GALNT11: variants seen among roughly 807,000 people sequenced by gnomAD.
The protein encoded by GALNT11 is UDP-GalNAc:polypeptide N-acetylgalactosaminyltransferase 11.
A neutral mutation model predicts 72.7 loss-of-function variants in GALNT11; 47 were observed. That is an observed-to-expected ratio of 0.65 (90% CI 0.51 to 0.82). The LOEUF (loss-of-function observed/expected upper bound fraction) is 0.82, where lower values mean the gene tolerates loss of function less well. GALNT11 is among the 40% of genes least tolerant of loss of function. GALNT11 has a pLI of 0.00. For synonymous variants in GALNT11, 270 were observed against 286.6 expected, an observed-to-expected ratio of 0.94 and a Z score of 0.58; for missense variants, 677 against 778.4, an observed-to-expected ratio of 0.87 and a Z score of 1.55.
chr7:152,101,032 C>A, intron 3 of GALNT11, 111 bp downstream of exon 3: 1 of 1,394,940 alleles, frequency 7.2e-7, no homozygotes, highest in Non-Finnish European at 9.7e-7. Flanking sequence ...CGTCTTTATT[C>A]AGCATACTAG....
chr7:152,036,737 C>T (rs2082598796), intron 1 of GALNT11, among the ~76,000 whole-genome samples: 1 of 152,196 alleles, frequency 6.6e-6, no homozygotes. Context: ...TCTCCACATC[C>T]TCACCATCAT....
intron 1 of GALNT11, among the ~76,000 whole-genome samples, chr7:152,052,041 A>AT (rs1041849349): frequency 1.9e-4 from 29 of 151,960 alleles, no homozygotes; most frequent in Non-Finnish European, 7.4e-5. Flanking sequence ...ATAATTCCCC[A>AT]TTTTCCCAGC....
Position 152,117,207 on chromosome 7 carries a change from T to C in GALNT11, c.1284T>C (p.Asn428=). 1.2e-6 allele frequency: 2 copies of C among 1,614,142 alleles called. No individual in the cohort carries two copies. The highest frequency in any genetic ancestry group is 2.2e-5 in the South Asian group (2 of 91,048). Residue 428 remains asparagine (N), a synonymous_variant, in exon 9 of 12, where the codon AAT becomes AAC. Transcript: ENST00000430044. The part of the protein sequence containing the change: ...RPDLKTKSYG[N]ISERVELRKK... ...ACCTGAAGACGAAAAGCTATGGCAA[T>C]ATCAGTGAGCGTGTGGAACTGAGAA... is the stretch of plus-strand genomic sequence containing the variant.
At chr7:152,026,795 C>T (rs552424375) in intron 1 of GALNT11, among the ~76,000 whole-genome samples, 1 of 152,312 alleles carries the variant, frequency 6.6e-6, no homozygotes, top group South Asian at 2.1e-4. Context: ...CTTTCCTGCC[C>T]GAACTAGTCT....
intron 1 of GALNT11, among the ~76,000 whole-genome samples, chr7:152,035,447 G>T (rs1054964292): frequency 2.6e-5 from 4 of 152,150 alleles, no homozygotes; most frequent in African/African-American, 9.7e-5. Context: ...TAGGATAGAT[G>T]GGCGAGTCTC....
At chr7:152,087,296 GA>G (rs1462787831) in intron 1 of GALNT11, among the ~76,000 whole-genome samples, 1 of 152,234 alleles carries the variant, frequency 6.6e-6, no homozygotes, top group Non-Finnish European at 1.5e-5. Context: ...TTATTGAGAA[GA>G]AGATATTCGA....
chr7:152,071,379 C>T (rs1184940598), intron 1 of GALNT11, among the ~76,000 whole-genome samples: 1 of 152,200 alleles, frequency 6.6e-6, no homozygotes, highest in African/African-American at 2.4e-5. Context: ...ATATTTCTCC[C>T]ATTTGCTTTT....
intron 4 of GALNT11, 141 bp from the exon 5 acceptor site, chr7:152,105,104 T>C: frequency 1.1e-6 from 1 of 895,510 alleles, no homozygotes; most frequent in Admixed American, 3.1e-5. Flanking sequence ...ACAATACTCT[T>C]TTAAAGTAAA....
intron 1 of GALNT11, among the ~76,000 whole-genome samples, chr7:152,093,479 A>G (rs1014015003): frequency 6.6e-6 from 1 of 152,030 alleles, no homozygotes; most frequent in African/African-American, 2.4e-5. Context: ...AGGCCAGAGT[A>G]CAGTGGTGCA....
chr7:152,042,309 G>A (rs976974859), intron 1 of GALNT11, among the ~76,000 whole-genome samples: 25 of 152,126 alleles, frequency 1.6e-4, no homozygotes, highest in African/African-American at 6.0e-4. Flanking sequence ...TGTCCCCATA[G>A]GTTGTATAAC....
At chr7:152,046,481 T>C (rs1028265781) in intron 1 of GALNT11, among the ~76,000 whole-genome samples, 3 of 152,166 alleles carry the variant, frequency 2.0e-5, no homozygotes, top group African/African-American at 7.2e-5. Context: ...CTGGGTGCTC[T>C]AGTATTGGGT....
chr7:152,065,932 A>G (rs1376983306), intron 1 of GALNT11, among the ~76,000 whole-genome samples: 1 of 151,902 alleles, frequency 6.6e-6, no homozygotes, highest in Non-Finnish European at 1.5e-5. Context: ...CAGATCTTAA[A>G]CTCTGTGCTG....
At chr7:152,032,037 G>T (rs935436763) in intron 1 of GALNT11, among the ~76,000 whole-genome samples, 2 of 152,200 alleles carry the variant, frequency 1.3e-5, no homozygotes, top group South Asian at 2.1e-4. Flanking sequence ...TTGACCTGCT[G>T]TAGGCAAAGC....
At chr7:152,090,971 C>G (rs1401489208) in intron 1 of GALNT11, among the ~76,000 whole-genome samples, 1 of 152,106 alleles carries the variant, frequency 6.6e-6, no homozygotes, top group East Asian at 1.9e-4. Flanking sequence ...CGGACTTTGC[C>G]TGTCATGAGA....
Position 152,108,262 on chromosome 7 carries a change from G to T in GALNT11, c.937G>T (p.Ala313Ser). 2.5e-6 allele frequency: 4 copies of T among 1,612,818 alleles called. No individual in the cohort carries two copies. Among genetic ancestry groups the T allele is most frequent in the Non-Finnish European group, 3.4e-6 (4 of 1,178,856 alleles). Residue 313 changes from alanine to serine, a missense_variant, in exon 6 of 12, where the codon GCG (alanine) becomes TCG (serine). Coordinates refer to ENST00000430044, the MANE Select transcript of GALNT11 (RefSeq NM_022087.4). ...TGTCCCCCTTTCTGAGCTAGGACGAGCGGAGGGAGCCACTGCACCAATAAA... is the reference window on the plus strand; with the variant it reads ...TGTCCCCCTTTCTGAGCTAGGACGATCGGAGGGAGCCACTGCACCAATAAA... Reference protein sequence around the residue: ...DLVPLSELGRAEGATAPIKSP... With the variant: ...DLVPLSELGRSEGATAPIKSP...
intron 1 of GALNT11, chr7:152,079,229 C>T (rs2085173403): frequency 1.3e-5 from 2 of 152,188 alleles, no homozygotes; most frequent in South Asian, 4.1e-4. Flanking sequence ...TGACCTCATG[C>T]TTGCTCCCTG....
chr7:152,083,204 T>C (rs2085421226), intron 1 of GALNT11, among the ~76,000 whole-genome samples: 1 of 152,182 alleles, frequency 6.6e-6, no homozygotes, highest in Non-Finnish European at 1.5e-5. Context: ...TCTTTTCCTA[T>C]ATTCTGATCT....
At chr7:152,029,741 T>C (rs1211605051) in intron 1 of GALNT11, among the ~76,000 whole-genome samples, 1 of 152,232 alleles carries the variant, frequency 6.6e-6, no homozygotes, top group East Asian at 1.9e-4. Flanking sequence ...GAATACCCCT[T>C]GTGTCTTTTT....
chr7:152,110,167 T>C (rs755925735), intron 6 of GALNT11, among the ~76,000 whole-genome samples: 2 of 152,190 alleles, frequency 1.3e-5, no homozygotes, highest in Non-Finnish European at 2.9e-5. Flanking sequence ...CAACGTGTGA[T>C]GTTTGTCAGG....
Sources: gnomAD v4.1 joint callset for allele counts (sites outside exome capture counted in the v4.1 genomes callset) on GRCh38, gnomAD v4.1.1 for gene constraint, MANE v1.5 for transcripts, NCBI Gene and HGNC (gene_info 2026-07-23, HGNC 2026-07-21) for gene names.